Variants in PHLPP1 observed in about 807,000 individuals in gnomAD.
The protein encoded by PHLPP1 is PH domain and leucine rich repeat protein phosphatase 1, also known as PH domain leucine-rich repeat-containing protein phosphatase 1.
In PHLPP1, 42 loss-of-function variants were observed where a neutral mutation model predicts 117.2. The observed-to-expected ratio is 0.36, with a 90% CI of 0.28 to 0.46. The LOEUF is 0.46. Ranked by LOEUF, PHLPP1 falls within the 20% of genes least tolerant of loss-of-function variation. PHLPP1 has a pLI of 1.00. For missense variants in PHLPP1, 2,084 were observed against 2,241.9 expected (o/e 0.93, Z 1.42); for synonymous variants, 1,042 against 970.7 (o/e 1.07, Z -1.37).
At chr18:62,851,149 C>A (rs778017812) in intron 3 of PHLPP1, among the ~76,000 whole-genome samples, 10 of 152,068 alleles carry the variant, frequency 6.6e-5, no homozygotes, top group Non-Finnish European at 1.5e-4. Flanking sequence ...GCTTGATGGC[C>A]CCGCGCATGC....
intron 1 of PHLPP1, among the ~76,000 whole-genome samples, chr18:62,761,670 A>T (rs982810041): frequency 1.3e-5 from 2 of 151,688 alleles, no homozygotes; most frequent in African/African-American, 2.4e-5. Context: ...TAAAAAATAA[A>T]AAAAAAAAGA....
chr18:62,902,923 C>A, intron 6 of PHLPP1, 41 bp from the exon 7 acceptor site: 1 of 1,209,352 alleles, frequency 8.3e-7, no homozygotes, highest in Non-Finnish European at 1.2e-6. Context: ...TTACTTATAG[C>A]ATTGCAGTTA....
intron 14 of PHLPP1, among the ~76,000 whole-genome samples, chr18:62,970,687 C>G (rs1208039560): frequency 6.6e-6 from 1 of 152,114 alleles, no homozygotes; most frequent in Non-Finnish European, 1.5e-5. Flanking sequence ...ACCACTTGAA[C>G]CCGGGAGGCA....
At chr18:62,792,527 CTTCT>C (rs1338020525) in intron 1 of PHLPP1, among the ~76,000 whole-genome samples, 1 of 152,162 alleles carries the variant, frequency 6.6e-6, no homozygotes, top group Non-Finnish European at 1.5e-5. Flanking sequence ...ATTCTGATGA[CTTCT>C]TTGTTTCTCT....
intron 1 of PHLPP1, among the ~76,000 whole-genome samples, chr18:62,770,153 C>T (rs1052320958): frequency 6.6e-6 from 1 of 152,056 alleles, no homozygotes; most frequent in Admixed American, 6.5e-5. Context: ...TTTTGTCACC[C>T]AGGCTGGAGT....
chr18:62,817,628 C>T (rs894216328), intron 1 of PHLPP1, among the ~76,000 whole-genome samples: 4 of 151,544 alleles, frequency 2.6e-5, no homozygotes, highest in Non-Finnish European at 5.9e-5. Context: ...TAATTGGAGT[C>T]CCTGGAGAGG....
intron 16 of PHLPP1, among the ~76,000 whole-genome samples, chr18:62,976,351 G>A (rs763940582): frequency 6.6e-6 from 1 of 152,186 alleles, no homozygotes; most frequent in Non-Finnish European, 1.5e-5. Flanking sequence ...TGTGTTTGGA[G>A]GGCGTGTCTC....
At chr18:62,799,510 A>G (rs1219748501) in intron 1 of PHLPP1, among the ~76,000 whole-genome samples, 2 of 152,228 alleles carry the variant, frequency 1.3e-5, no homozygotes, top group Non-Finnish European at 2.9e-5. Flanking sequence ...TATGCCTTAC[A>G]TTAGGAAACT....
Position 62,979,481 on chromosome 18 carries a change from A to G in PHLPP1, c.*50A>G, listed in dbSNP as rs1198192443. On this transcript the variant is annotated 3_prime_UTR_variant, in exon 17 of 17. Transcript: ENST00000262719. ...AACTAACCACAAAAGACTGAGTTGC[A>G]AGAGTCTCCCAGGCTCACATTAAAC... 1 of 1,525,492 alleles carries G rather than the reference A, an allele frequency of 6.6e-7. No homozygotes were observed. Among genetic ancestry groups the G allele is most frequent in the African/African-American group, 1.4e-5 (1 of 72,422 alleles). The allele number at this position is 1,525,492 out of a possible 1,614,324, so 94.5% of individuals were successfully genotyped here.
At chr18:62,730,507 A>G (rs1006429868) in intron 1 of PHLPP1, among the ~76,000 whole-genome samples, 24 of 150,618 alleles carry the variant, frequency 1.6e-4, no homozygotes, top group African/African-American at 4.4e-4. Context: ...GAGAGAGAGA[A>G]AAAAAAAGGT....
At chr18:62,954,137 G>T (rs1910547653) in intron 12 of PHLPP1, among the ~76,000 whole-genome samples, 2 of 152,052 alleles carry the variant, frequency 1.3e-5, no homozygotes, top group Admixed American at 1.3e-4. Flanking sequence ...TGTTTGTAAT[G>T]ATTTTCCTCT....
intron 6 of PHLPP1, among the ~76,000 whole-genome samples, chr18:62,896,975 T>C (rs1916578795): frequency 6.6e-6 from 1 of 152,226 alleles, no homozygotes. Flanking sequence ...TTTGAGAATT[T>C]CTTGGAATGT....
At chr18:62,766,076 A>AAAAAAAAAAAAAAATAT in intron 1 of PHLPP1, among the ~76,000 whole-genome samples, 2 of 21,648 alleles carry the variant, frequency 9.2e-5, no homozygotes, top group African/African-American at 1.5e-4. Flanking sequence ...AAAAAAAAAA[A>AAAAAAAAAAAAAAATAT]ATATATATAT....
intron 10 of PHLPP1, among the ~76,000 whole-genome samples, chr18:62,924,059 A>G (rs1909552512): frequency 6.6e-6 from 1 of 152,240 alleles, no homozygotes; most frequent in Non-Finnish European, 1.5e-5. Flanking sequence ...TGCACAATAA[A>G]CTATAGTGAA....
intron 1 of PHLPP1, among the ~76,000 whole-genome samples, chr18:62,795,861 C>T (rs1913616701): frequency 6.6e-6 from 1 of 152,154 alleles, no homozygotes; most frequent in South Asian, 2.1e-4. Flanking sequence ...GTGCAAGTTT[C>T]TTGCTAGTTT....
At position 62,716,012 on chromosome 18, in the gene PHLPP1, C is replaced by T; in HGVS notation, c.329C>T (p.Pro110Leu). 2 of 1,384,336 alleles carry T rather than the reference C, an allele frequency of 1.4e-6. No homozygotes were observed. The highest frequency in any genetic ancestry group is 1.9e-6 in the Non-Finnish European group (2 of 1,077,900). 85.8% of individuals were successfully genotyped at this position (1,384,336 alleles called of 1,614,324 possible). A position where few individuals can be genotyped will look rare whatever the true frequency, so the allele number is the denominator to read the frequency against. ...ATTGCCGGCGGGGCTGCCCCCGTACCCGGGGCCGGCGGCGGCGCCAACTCC... is the reference window on the plus strand; with the variant it reads ...ATTGCCGGCGGGGCTGCCCCCGTACTCGGGGCCGGCGGCGGCGCCAACTCC... The part of the protein sequence containing the change: ...QPIAGGAAPV[P>L]GAGGGANSLL... The change falls in exon 1 of 17, where the codon CCC becomes CTC. Residue 110 changes from proline (P) to leucine (L), a missense_variant. This residue lies in a region of PHLPP1 where 719 missense variants were observed against 636.0 expected (regional missense o/e 1.13). Transcript: ENST00000262719. This position sits in a 1 kb window ranked among gnomAD's most constrained non-coding sequence, Gnocchi z 5.7.
intron 1 of PHLPP1, among the ~76,000 whole-genome samples, chr18:62,727,279 T>C (rs1000374520): frequency 2.0e-5 from 3 of 151,382 alleles, no homozygotes; most frequent in Non-Finnish European, 4.4e-5. Flanking sequence ...GTTCGCACAT[T>C]TTAATTGAAT....
At chr18:62,932,854 C>G (rs1780527942) in intron 10 of PHLPP1, among the ~76,000 whole-genome samples, 2 of 152,082 alleles carry the variant, frequency 1.3e-5, no homozygotes, top group Admixed American at 1.3e-4. Flanking sequence ...GATTCTATAC[C>G]TAGAAAACCC....
chr18:62,917,445 G>C (rs1354420699), intron 9 of PHLPP1, among the ~76,000 whole-genome samples: 1 of 114,772 alleles, frequency 8.7e-6, no homozygotes, highest in Non-Finnish European at 1.9e-5. Flanking sequence ...TTTAACATGT[G>C]GGACAAAAAG....
Sources: allele counts gnomAD v4.1 joint callset (sites outside exome capture counted in the v4.1 genomes callset), GRCh38; gene constraint gnomAD v4.1.1; regional missense constraint gnomAD v4.1.1; non-coding constraint Gnocchi (gnomAD v3.1); transcripts MANE v1.5; gene names NCBI Gene and HGNC (gene_info 2026-07-23, HGNC 2026-07-21).